The following MCOLN1 variants were observed in gnomAD, a reference collection of about 807,000 sequenced individuals.
MCOLN1 encodes mucolipin-1.
Under a neutral mutation model 70.3 loss-of-function variants are expected in MCOLN1, and 50 were observed. The observed-to-expected ratio is 0.71, with a 90% CI of 0.57 to 0.90. The LOEUF (loss-of-function observed/expected upper bound fraction) is 0.90. Ranked by LOEUF, MCOLN1 falls within the 40% of genes least tolerant of loss-of-function variation. The probability of loss-of-function intolerance (pLI) is 0.00; values close to 1 mark genes in which losing one functional copy is unlikely to be tolerated. For synonymous variants in MCOLN1, 366 were observed against 341.0 expected (o/e 1.07, Z -0.81); for missense variants, 598 against 803.5 (o/e 0.74, Z 3.09).
In MCOLN1 at chr19:7,526,997, G is replaced by A; in HGVS notation, c.571+71G>A. 1.9e-6 allele frequency: 3 copies of A among 1,589,092 alleles called. No individual in the cohort carries two copies. Among genetic ancestry groups the A allele is most frequent in the Admixed American group, 1.7e-5 (1 of 59,970 alleles). Reference sequence around the variant, plus strand: ...GGGATTAAAATCAACAGCTGTGGCTGGGCACGGTGGCTCACGCCTATAATA... The same window carrying A: ...GGGATTAAAATCAACAGCTGTGGCTAGGCACGGTGGCTCACGCCTATAATA... On this transcript the variant is annotated intron_variant, in intron 4 of 13. Coordinates refer to ENST00000264079, the MANE Select transcript of MCOLN1 (RefSeq NM_020533.3). This position sits in a 1 kb window ranked among gnomAD's most constrained non-coding sequence, Gnocchi z 4.6.
chr19:7,528,388 G>C lies in MCOLN1; in HGVS notation c.877+131G>C. 9.8e-7 allele frequency: 1 copy of C among 1,016,848 alleles called. No individual in the cohort carries two copies. Among genetic ancestry groups the C allele is most frequent in the Admixed American group, 2.1e-5 (1 of 48,728 alleles). The allele number at this position is 1,016,848 out of a possible 1,614,324, so 63.0% of individuals were successfully genotyped here. On this transcript the variant is annotated intron_variant, in intron 7 of 13. Coordinates refer to ENST00000264079, the MANE Select transcript of MCOLN1 (RefSeq NM_020533.3). This position sits in a 1 kb window ranked among gnomAD's most constrained non-coding sequence, Gnocchi z 4.2. ...ATCCGCTGAGCCTCAGATCAGCACA[G>C]ACCAGGGACCCCGTCCTGTGCTGAG...
Position 7,528,054 on chromosome 19 carries a change from C to T in MCOLN1, c.777+94C>T, listed in dbSNP as rs111944067. On this transcript the variant is annotated intron_variant, in intron 6 of 13. Transcript: ENST00000264079. This position sits in a 1 kb window ranked among gnomAD's most constrained non-coding sequence, Gnocchi z 4.2. ...GGAGCACTGGCCAAGGGCAAGCGTG[C>T]GGGTGATGAGGGAGGGAGCCCGGGG... 0.016 allele frequency: 23,644 copies of T among 1,516,818 alleles called. 231 individuals are homozygous for T. Among genetic ancestry groups the T allele is most frequent in the Non-Finnish European group, 0.018 (19,869 of 1,092,120 alleles). 94.0% of individuals were successfully genotyped at this position (1,516,818 alleles called of 1,614,324 possible).
chr19:7,531,829 G>A (rs1340182319), intron 12 of MCOLN1, among the ~76,000 whole-genome samples: 2 of 152,004 alleles, frequency 1.3e-5, no homozygotes, highest in Non-Finnish European at 2.9e-5. Context: ...CACCATGCCT[G>A]GCTAATTTTT....
Position 7,529,532 on chromosome 19 carries a change from C to T in MCOLN1, c.1237-58C>T, listed in dbSNP as rs2022624011. 1.9e-6 allele frequency: 3 copies of T among 1,553,742 alleles called. No homozygotes were observed. The South Asian group carries it at 3.4e-5, about 18-fold the overall frequency. ...CCCCTCCCACCCCCATCTGGGTGCCCACAGCTGACCTGAGTTGTGGCCACA... is the reference window on the plus strand; with the variant it reads ...CCCCTCCCACCCCCATCTGGGTGCCTACAGCTGACCTGAGTTGTGGCCACA... On this transcript the variant is annotated intron_variant, in intron 10 of 13. Transcript: ENST00000264079.
In MCOLN1 at chr19:7,529,662, C is replaced by T. The variant is rs752675582; in HGVS notation, c.1309C>T (p.Leu437=). ...CTGCTGCTGCGTGGCTGTCATCTAC[C>T]TGGGCTACTGCTTCTGTGGCTGGAT... is the stretch of plus-strand genomic sequence containing the variant. ...RFCCCVAVIY[L]GYCFCGWIVL... is the part of the protein sequence containing the mutation. The change falls in exon 11 of 14, where the codon CTG becomes TTG. Residue 437 remains leucine (L), a synonymous_variant. Transcript: ENST00000264079. 1.9e-6 allele frequency: 3 copies of T among 1,614,216 alleles called. No homozygotes were observed. Among genetic ancestry groups the T allele is most frequent in the Non-Finnish European group, 2.5e-6 (3 of 1,180,028 alleles).
At chr19:7,531,978 T>C (rs1163664190) in intron 12 of MCOLN1, among the ~76,000 whole-genome samples, 2 of 152,224 alleles carry the variant, frequency 1.3e-5, no homozygotes, top group African/African-American at 2.4e-5. Context: ...GGTTAGCTTC[T>C]GAGCAGTAAA....
chr19:7,526,183 C>G lies in MCOLN1; in HGVS notation c.238-256C>G. 1 of 574,146 alleles carries G rather than the reference C, an allele frequency of 1.7e-6. No individual in the cohort carries two copies. Among genetic ancestry groups the G allele is most frequent in the Non-Finnish European group, 3.1e-6 (1 of 319,608 alleles). The allele number at this position is 574,146 out of a possible 1,614,324, so 35.6% of individuals were successfully genotyped here. On this transcript the variant is annotated intron_variant, in intron 2 of 13. Coordinates refer to ENST00000264079, the MANE Select transcript of MCOLN1 (RefSeq NM_020533.3). The surrounding 1 kb of genome is among the most constrained non-coding windows in gnomAD (Gnocchi z 4.6). ...GTCCCTGCAGTGAGATAGATGAGTCCCCACCCTGTGTTGTACGGGGGAGGA... is the reference window on the plus strand; with the variant it reads ...GTCCCTGCAGTGAGATAGATGAGTCGCCACCCTGTGTTGTACGGGGGAGGA...
At chr19:7,529,511 T>TGGTGGG in intron 10 of MCOLN1, 79 bp from the exon 11 acceptor site, 1 of 370,414 alleles carries the variant, frequency 2.7e-6, no homozygotes, top group Non-Finnish European at 4.5e-6. Context: ...GCCCCGCCCC[T>TGGTGGG]CCCACCCCCA....
Position 7,526,611 on chromosome 19 carries a change from T to G in MCOLN1, c.405+5T>G. 1 of 1,593,918 alleles carries G rather than the reference T, an allele frequency of 6.3e-7. No individual in the cohort carries two copies. The highest frequency in any genetic ancestry group is 1.1e-5 in the South Asian group (1 of 90,412). ...ATCTTCCATGCTGTGGACCAGGTGC[T>G]GGTGGGCGGGCAGGTGCTGGTGGGC... On this transcript the variant is annotated splice_donor_5th_base_variant and intron_variant, in intron 3 of 13. Coordinates refer to ENST00000264079, the MANE Select transcript of MCOLN1 (RefSeq NM_020533.3). The surrounding 1 kb of genome is among the most constrained non-coding windows in gnomAD (Gnocchi z 4.6).
Position 7,525,298 on chromosome 19 carries a change from T to C in MCOLN1, c.237+132T>C, listed in dbSNP as rs2022553440. The C allele has an allele frequency of 1.3e-5, 11 of 817,882 alleles. No individual in the cohort carries two copies. The highest frequency in any genetic ancestry group is 2.2e-5 in the Non-Finnish European group (11 of 490,950). The allele number at this position is 817,882 out of a possible 1,614,324, so 50.7% of individuals were successfully genotyped here. On this transcript the variant is annotated intron_variant, in intron 2 of 13. Transcript: ENST00000264079. The surrounding 1 kb of genome is among the most constrained non-coding windows in gnomAD (Gnocchi z 4.2). ...CTTGAGGCTGGGAGTTCAAGACCAG[T>C]CTGGCCAGCATGGTGAAACCCCATC... is the stretch of plus-strand genomic sequence containing the variant.
intron 11 of MCOLN1, 106 bp downstream of exon 11, chr19:7,529,818 C>A: frequency 7.4e-7 from 1 of 1,353,194 alleles, no homozygotes; most frequent in Non-Finnish European, 1.1e-6. Flanking sequence ...GTCCACTGTC[C>A]CCTGTGGTCC....
At chr19:7,529,515 A>AAGGGGGGGCC in intron 10 of MCOLN1, 75 bp from the exon 11 acceptor site, 1 of 407,484 alleles carries the variant, frequency 2.5e-6, no homozygotes, top group Non-Finnish European at 4.0e-6. Context: ...CGCCCCTCCC[A>AAGGGGGGGCC]CCCCCATCTG....
At chr19:7,527,461 G>A in intron 4 of MCOLN1, 59 bp from the exon 5 acceptor site, 1 of 802,606 alleles carries the variant, frequency 1.2e-6, no homozygotes, top group East Asian at 2.4e-5. Flanking sequence ...GGGGACTCTG[G>A]GGAGACCAGC....
In MCOLN1 at chr19:7,529,147, C is replaced by T. The variant is rs751591282; in HGVS notation, c.1181C>T (p.Thr394Met). Residue 394 changes from threonine (T) to methionine (M), a missense_variant, in exon 10 of 14, where the codon ACG (threonine) becomes ATG (methionine). Around this residue, in one of 3 missense-constraint regions of MCOLN1, gnomAD observed 461 missense variants for 588.4 expected, o/e 0.78. Coordinates refer to ENST00000264079, the MANE Select transcript of MCOLN1 (RefSeq NM_020533.3). ...DVCSILLGTS[T>M]LLVWVGVIRY... ...TGCAGCATCCTCCTGGGCACCTCGA[C>T]GCTGCTGGTGTGGGTGGGCGTGATC... 8.7e-6 allele frequency: 14 copies of T among 1,613,822 alleles called. No individual in the cohort carries two copies. Among genetic ancestry groups the T allele is most frequent in the Non-Finnish European group, 3.4e-6 (4 of 1,180,036 alleles).
intron 11 of MCOLN1, 74 bp downstream of exon 11, chr19:7,529,786 C>G: frequency 6.3e-7 from 1 of 1,577,618 alleles, no homozygotes; most frequent in Non-Finnish European, 8.7e-7. Context: ...CCAGATGACC[C>G]CTTGGTGACT....
chr19:7,525,045 A>G lies in MCOLN1; in HGVS notation c.116A>G (p.Glu39Gly), dbSNP rs779329773. 48 of 1,613,988 alleles carry G rather than the reference A, an allele frequency of 3.0e-5. No individual in the cohort carries two copies. In the East Asian group the frequency reaches 1.1e-3, roughly 36 times the overall value. ...GCCCCTCCGACACCCCCAGAAGAGGAAGACCTTCGCCGTCGTCTCAAATAC... is the reference window on the plus strand; with the variant it reads ...GCCCCTCCGACACCCCCAGAAGAGGGAGACCTTCGCCGTCGTCTCAAATAC... ...SPAPPTPPEE[E>G]DLRRRLKYFF... Residue 39 changes from glutamate to glycine, a missense_variant, in exon 2 of 14, where the codon GAA becomes GGA. This residue lies in a region of MCOLN1 where 461 missense variants were observed against 588.4 expected (regional missense o/e 0.78). Coordinates refer to ENST00000264079, the MANE Select transcript of MCOLN1 (RefSeq NM_020533.3). The surrounding 1 kb of genome is among the most constrained non-coding windows in gnomAD (Gnocchi z 4.2).
At chr19:7,531,946 G>A (rs1447642208) in intron 12 of MCOLN1, among the ~76,000 whole-genome samples, 3 of 152,324 alleles carry the variant, frequency 2.0e-5, no homozygotes, top group Admixed American at 6.5e-5. Context: ...GATTACGGGC[G>A]TGAGCCACTG....
intron 10 of MCOLN1, 83 bp from the exon 11 acceptor site, chr19:7,529,507 C>CCCCCCCCCCCCCCAACCAAA: frequency 1.3e-6 from 1 of 747,178 alleles, no homozygotes; most frequent in Non-Finnish European, 2.3e-6. Flanking sequence ...CAAGGCCCCG[C>CCCCCCCCCCCCCCAACCAAA]CCCTCCCACC....
intron 12 of MCOLN1, chr19:7,533,289 C>G (rs2022691515): frequency 1.7e-6 from 1 of 604,816 alleles, no homozygotes; most frequent in Non-Finnish European, 2.9e-6. Flanking sequence ...GCTGGACCTA[C>G]AGCAGAAGGC....
Sources: gnomAD v4.1 joint callset for allele counts (sites outside exome capture counted in the v4.1 genomes callset) on GRCh38, gnomAD v4.1.1 for gene constraint, gnomAD v4.1.1 regional missense constraint, Gnocchi (gnomAD v3.1) non-coding constraint, MANE v1.5 for transcripts, NCBI Gene and HGNC (gene_info 2026-07-23, HGNC 2026-07-21) for gene names.